Variants in GRIA4 observed in about 807,000 individuals in gnomAD.
The protein encoded by GRIA4 is glutamate ionotropic receptor AMPA type subunit 4.
GRIA4 carries 34 observed loss-of-function variants against 104.0 expected under a neutral mutation model. The ratio of observed to expected loss-of-function variants is 0.33; its 90% CI spans 0.25 to 0.44. The LOEUF (loss-of-function observed/expected upper bound fraction) is 0.44, where lower values mean the gene tolerates loss of function less well. GRIA4 is among the 20% of genes least tolerant of loss of function. The pLI is 1.00. For synonymous variants in GRIA4, 386 were observed against 381.9 expected (o/e 1.01, Z -0.13); for missense variants, 750 against 1,096.5 (o/e 0.68, Z 4.46).
intron 4 of GRIA4, among the ~76,000 whole-genome samples, chr11:105,802,782 A>AC (rs1942778600): frequency 6.6e-6 from 1 of 151,472 alleles, no homozygotes; most frequent in Non-Finnish European, 1.5e-5. Context: ...ATTGAAAAAA[A>AC]CAACATTTAT....
At chr11:105,764,083 G>A (rs1167604739) in intron 4 of GRIA4, among the ~76,000 whole-genome samples, 1 of 152,092 alleles carries the variant, frequency 6.6e-6, no homozygotes, top group Non-Finnish European at 1.5e-5. Flanking sequence ...TTTTGTCACT[G>A]ATGCATTCCA....
At chr11:105,928,719 AG>A (rs899377764) in intron 13 of GRIA4, among the ~76,000 whole-genome samples, 19 of 152,182 alleles carry the variant, frequency 1.2e-4, no homozygotes, top group African/African-American at 3.6e-4. Flanking sequence ...TGAGTGATAA[AG>A]GGAAGAAGAA....
At chr11:105,912,025 A>C in intron 10 of GRIA4, 2 of 1,208,832 alleles carry the variant, frequency 1.7e-6, no homozygotes, top group Middle Eastern at 2.3e-4. Flanking sequence ...TGGATGACCA[A>C]CTCTGGACTA....
chr11:105,636,600 C>A (rs1488136089), intron 3 of GRIA4, among the ~76,000 whole-genome samples: 2 of 152,136 alleles, frequency 1.3e-5, no homozygotes, highest in African/African-American at 4.8e-5. Flanking sequence ...CTTGTGTTCC[C>A]AGGTTTTGGA....
chr11:105,905,674 T>C (rs1468316568), intron 9 of GRIA4, among the ~76,000 whole-genome samples: 1 of 152,196 alleles, frequency 6.6e-6, no homozygotes, highest in African/African-American at 2.4e-5. Flanking sequence ...TTAGAGCAAG[T>C]ACAAACAAAC....
chr11:105,979,818 G>T lies in GRIA4; in HGVS notation c.*79G>T. 7 of 1,048,236 alleles carry T rather than the reference G, an allele frequency of 6.7e-6. No individual in the cohort carries two copies. Among genetic ancestry groups the T allele is most frequent in the Non-Finnish European group, 9.9e-6 (7 of 705,980 alleles). The allele number at this position is 1,048,236 out of a possible 1,614,324, so 64.9% of individuals were successfully genotyped here. A position where few individuals can be genotyped will look rare whatever the true frequency, so the allele number is the denominator to read the frequency against. On this transcript the variant is annotated 3_prime_UTR_variant, in exon 17 of 17. Coordinates refer to ENST00000282499, the MANE Select transcript of GRIA4 (RefSeq NM_000829.4). ...CGCAGCCCTGAGGGACACGCCACGC[G>T]CGGGTCTTTGCTAAACCAATCCTTT... is the stretch of plus-strand genomic sequence containing the variant.
chr11:105,840,446 C>A (rs2135957231), intron 4 of GRIA4, among the ~76,000 whole-genome samples: 1 of 152,280 alleles, frequency 6.6e-6, no homozygotes, highest in African/African-American at 2.4e-5. Flanking sequence ...TCAAATTTGA[C>A]AGCATAACTC....
intron 3 of GRIA4, among the ~76,000 whole-genome samples, chr11:105,718,853 G>A (rs1954195900): frequency 6.6e-6 from 1 of 152,136 alleles, no homozygotes; most frequent in African/African-American, 2.4e-5. Context: ...ATTTGTGCTT[G>A]CTGAGGCTCC....
intron 3 of GRIA4, among the ~76,000 whole-genome samples, chr11:105,723,438 C>G (rs989213006): frequency 2.6e-5 from 4 of 151,936 alleles, no homozygotes; most frequent in African/African-American, 9.6e-5. Context: ...ATCAGCATAT[C>G]TGATGTAAAA....
chr11:105,866,551 G>GTCTATATA (rs1299256765), intron 5 of GRIA4, among the ~76,000 whole-genome samples: 1 of 76,752 alleles, frequency 1.3e-5, no homozygotes. Flanking sequence ...GTGTGTGTGT[G>GTCTATATA]TATATATATA....
chr11:105,716,779 CAT>C (rs1237702257), intron 3 of GRIA4, among the ~76,000 whole-genome samples: 1 of 152,070 alleles, frequency 6.6e-6, no homozygotes, highest in Non-Finnish European at 1.5e-5. Context: ...AGGGGGCAAA[CAT>C]TATGTAAAAG....
intron 4 of GRIA4, among the ~76,000 whole-genome samples, chr11:105,794,510 T>TATAC (rs1192534503): frequency 2.5e-4 from 30 of 121,648 alleles, no homozygotes; most frequent in Middle Eastern, 4.5e-3. Context: ...TATATATATA[T>TATAC]ATACATATAC....
chr11:105,731,162 A>G (rs546685253), intron 3 of GRIA4, among the ~76,000 whole-genome samples: 1 of 152,306 alleles, frequency 6.6e-6, no homozygotes, highest in South Asian at 2.1e-4. Flanking sequence ...ATCTACAAGG[A>G]ACTTAAACAA....
At chr11:105,741,441 T>G (rs977923209) in intron 3 of GRIA4, among the ~76,000 whole-genome samples, 4 of 152,156 alleles carry the variant, frequency 2.6e-5, no homozygotes, top group Admixed American at 2.6e-4. Flanking sequence ...ATGGATTAGA[T>G]GATCTAAAGA....
At chr11:105,886,000 A>T (rs1347053979) in intron 5 of GRIA4, among the ~76,000 whole-genome samples, 1 of 152,264 alleles carries the variant, frequency 6.6e-6, no homozygotes, top group African/African-American at 2.4e-5. Context: ...AATCCTAAAC[A>T]ATATGAACAG....
intron 3 of GRIA4, among the ~76,000 whole-genome samples, chr11:105,725,549 G>C (rs527976418): frequency 1.3e-5 from 2 of 152,222 alleles, no homozygotes; most frequent in Admixed American, 1.3e-4. Flanking sequence ...ATTTGCAGGG[G>C]GGAAACTAAT....
At chr11:105,731,493 A>T (rs989649287) in intron 3 of GRIA4, among the ~76,000 whole-genome samples, 2 of 152,228 alleles carry the variant, frequency 1.3e-5, no homozygotes, top group Non-Finnish European at 2.9e-5. Context: ...CTAGAACTAC[A>T]AATACCATTT....
chr11:105,727,224 G>T (rs2135594118), intron 3 of GRIA4, among the ~76,000 whole-genome samples: 1 of 151,894 alleles, frequency 6.6e-6, no homozygotes, highest in Non-Finnish European at 1.5e-5. Flanking sequence ...CACAGCACAA[G>T]AACTTCATGA....
intron 4 of GRIA4, among the ~76,000 whole-genome samples, chr11:105,852,897 C>T (rs1179856609): frequency 6.7e-6 from 1 of 148,638 alleles, no homozygotes; most frequent in African/African-American, 2.5e-5. Context: ...TAAAATATCA[C>T]TTTCAAATCA....
Sources: gnomAD v4.1 joint callset for allele counts (sites outside exome capture counted in the v4.1 genomes callset) on GRCh38, gnomAD v4.1.1 for gene constraint, MANE v1.5 for transcripts, NCBI Gene and HGNC (gene_info 2026-07-23, HGNC 2026-07-21) for gene names.